PDE7B: variants seen among roughly 807,000 people sequenced by gnomAD.
PDE7B encodes phosphodiesterase 7B.
Under a neutral mutation model 56.2 loss-of-function variants are expected in PDE7B, and 29 were observed. The observed-to-expected ratio is 0.52, with a 90% CI of 0.38 to 0.70. The LOEUF is 0.70. Ranked by LOEUF, PDE7B falls within the 30% of genes least tolerant of loss-of-function variation. The pLI is 0.00. For synonymous variants in PDE7B, 197 were observed against 196.9 expected (o/e 1.00, Z 0.00); for missense variants, 490 against 565.0 (o/e 0.87, Z 1.35).
chr6:136,065,536 A>T (rs1367628539), intron 2 of PDE7B, among the ~76,000 whole-genome samples: 2 of 152,204 alleles, frequency 1.3e-5, no homozygotes, highest in Admixed American at 1.3e-4. Context: ...TTGCTGCTTT[A>T]ACTTCAATTT....
At chr6:136,175,093 T>G (rs753104357) in intron 9 of PDE7B, among the ~76,000 whole-genome samples, 3 of 152,174 alleles carry the variant, frequency 2.0e-5, no homozygotes, top group African/African-American at 4.8e-5. Context: ...GGTCAGTACC[T>G]GCATTCATCC....
chr6:136,190,007 T>C (rs1249942465), intron 12 of PDE7B, among the ~76,000 whole-genome samples: 2 of 152,212 alleles, frequency 1.3e-5, no homozygotes, highest in Non-Finnish European at 2.9e-5. Flanking sequence ...TCGAGTTGGA[T>C]TTTAAAATGT....
intron 8 of PDE7B, among the ~76,000 whole-genome samples, chr6:136,157,394 A>G (rs2128448065): frequency 6.6e-6 from 1 of 152,302 alleles, no homozygotes; most frequent in South Asian, 2.1e-4. Flanking sequence ...CCTGGCCAAC[A>G]CGGTGAAACC....
chr6:136,107,156 T>C (rs528192850), intron 2 of PDE7B, among the ~76,000 whole-genome samples: 1 of 152,316 alleles, frequency 6.6e-6, no homozygotes, highest in Admixed American at 6.5e-5. Flanking sequence ...ATCAGTTGCA[T>C]GAGTTGCAGC....
intron 2 of PDE7B, among the ~76,000 whole-genome samples, chr6:136,083,217 G>A (rs1422629321): frequency 6.6e-6 from 1 of 152,114 alleles, no homozygotes; most frequent in Admixed American, 6.5e-5. Context: ...GACTGAGGGT[G>A]GAACCCTGAT....
At chr6:136,180,704 G>A (rs562107129) in intron 10 of PDE7B, among the ~76,000 whole-genome samples, 2 of 152,330 alleles carry the variant, frequency 1.3e-5, no homozygotes, top group South Asian at 2.1e-4. Context: ...AGTCAAGAAG[G>A]CCCTAATTTA....
intron 2 of PDE7B, among the ~76,000 whole-genome samples, chr6:135,975,153 G>GT (rs887950602): frequency 2.8e-5 from 4 of 145,212 alleles, no homozygotes; most frequent in African/African-American, 5.0e-5. Flanking sequence ...TTTTTGTTTT[G>GT]TTTTTTGTTT....
chr6:135,894,875 C>T (rs1583747217), intron 1 of PDE7B, among the ~76,000 whole-genome samples: 2 of 152,188 alleles, frequency 1.3e-5, no homozygotes, highest in Admixed American at 6.5e-5. Flanking sequence ...TCAATCTCGC[C>T]TGCAAAAACT....
chr6:136,022,460 G>T (rs893643730), intron 2 of PDE7B, among the ~76,000 whole-genome samples: 1 of 152,172 alleles, frequency 6.6e-6, no homozygotes, highest in South Asian at 2.1e-4. Context: ...CTCAGAATTC[G>T]CCTGATAAAT....
intron 1 of PDE7B, among the ~76,000 whole-genome samples, chr6:135,854,764 T>A (rs969230425): frequency 2.0e-4 from 30 of 152,226 alleles, no homozygotes; most frequent in African/African-American, 7.2e-4. Context: ...AGATGGTGCC[T>A]ACTTTATATA....
At chr6:136,120,347 G>A (rs1371972339) in intron 3 of PDE7B, among the ~76,000 whole-genome samples, 1 of 152,128 alleles carries the variant, frequency 6.6e-6, no homozygotes, top group East Asian at 1.9e-4. Context: ...ACTGATGGCT[G>A]GAAAAGTGAG....
intron 2 of PDE7B, among the ~76,000 whole-genome samples, chr6:135,985,220 A>G (rs1422918892): frequency 6.6e-6 from 1 of 152,166 alleles, no homozygotes; most frequent in Non-Finnish European, 1.5e-5. Context: ...TGAGGGAAAA[A>G]AAACCCTCCA....
chr6:135,981,592 C>T (rs1775297651), intron 2 of PDE7B, among the ~76,000 whole-genome samples: 1 of 149,682 alleles, frequency 6.7e-6, no homozygotes, highest in Non-Finnish European at 1.5e-5. Context: ...CATCTTGACC[C>T]TGGGTAGGCC....
chr6:136,109,055 G>C (rs1777703034), intron 3 of PDE7B, among the ~76,000 whole-genome samples: 1 of 152,082 alleles, frequency 6.6e-6, no homozygotes, highest in Admixed American at 6.5e-5. Context: ...AGCTTTAAAA[G>C]TATAAATCTC....
At chr6:136,189,094 A>C (rs543959860) in intron 12 of PDE7B, among the ~76,000 whole-genome samples, 1 of 152,228 alleles carries the variant, frequency 6.6e-6, no homozygotes, top group African/African-American at 2.4e-5. Flanking sequence ...TCTCTGACTG[A>C]AATGTTCCCC....
intron 2 of PDE7B, among the ~76,000 whole-genome samples, chr6:135,969,440 T>C (rs918403221): frequency 6.6e-6 from 1 of 152,196 alleles, no homozygotes; most frequent in African/African-American, 2.4e-5. Flanking sequence ...CTTGTTAGCA[T>C]GAAATCATAT....
intron 3 of PDE7B, among the ~76,000 whole-genome samples, chr6:136,139,391 C>G (rs1181103343): frequency 6.6e-6 from 1 of 152,114 alleles, no homozygotes; most frequent in Non-Finnish European, 1.5e-5. Context: ...TGGGTTGGTT[C>G]CAAGTCTTTG....
intron 1 of PDE7B, among the ~76,000 whole-genome samples, chr6:135,887,983 C>T (rs763532347): frequency 1.3e-4 from 20 of 152,086 alleles, no homozygotes; most frequent in Non-Finnish European, 2.8e-4. Flanking sequence ...TTACTATTTC[C>T]CTGGACATAT....
chr6:135,947,234 A>C (rs918282699), intron 1 of PDE7B, among the ~76,000 whole-genome samples: 1 of 152,124 alleles, frequency 6.6e-6, no homozygotes, highest in Non-Finnish European at 1.5e-5. Context: ...AGCACATAGA[A>C]TCTGCTCTAT....
Sources: allele counts gnomAD v4.1 joint callset (sites outside exome capture counted in the v4.1 genomes callset), GRCh38; gene constraint gnomAD v4.1.1; transcripts MANE v1.5; gene names NCBI Gene and HGNC (gene_info 2026-07-23, HGNC 2026-07-21).